The following STARD4 variants were observed in gnomAD, a reference collection of about 807,000 sequenced individuals.
STARD4 encodes stAR-related lipid transfer protein 4.
Under a neutral mutation model 24.9 loss-of-function variants are expected in STARD4, and 33 were observed. The observed-to-expected ratio is 1.32, with a 90% CI of 1.00 to 1.77. The LOEUF is 1.77. Among genes scored for constraint, STARD4 ranks in the 40% most tolerant of loss-of-function variants. The probability of loss-of-function intolerance (pLI) is 0.00; values close to 1 mark genes in which losing one functional copy is unlikely to be tolerated. For missense variants in STARD4, 238 were observed against 249.3 expected (o/e 0.95, Z 0.31); for synonymous variants, 88 against 77.4 (o/e 1.14, Z -0.72).
intron 3 of STARD4, among the ~76,000 whole-genome samples, chr5:111,505,973 G>C (rs1465112289): frequency 6.6e-6 from 1 of 151,878 alleles, no homozygotes; most frequent in African/African-American, 2.4e-5. Context: ...AACCAAGGCG[G>C]GATGTCAGGA....
chr5:111,503,570 A>T (rs1175050344), intron 3 of STARD4, among the ~76,000 whole-genome samples: 1 of 152,186 alleles, frequency 6.6e-6, no homozygotes, highest in Non-Finnish European at 1.5e-5. Flanking sequence ...CGGAAGCTGC[A>T]GTGAGCTGAG....
intron 5 of STARD4, 32 bp downstream of exon 5, chr5:111,500,970 T>C (rs1561534859): frequency 6.2e-7 from 1 of 1,613,358 alleles, no homozygotes; most frequent in Admixed American, 1.7e-5. Context: ...TAAACCATAC[T>C]GAAAAAAAGC....
At chr5:111,510,683 T>C (rs1362667590) in intron 1 of STARD4, among the ~76,000 whole-genome samples, 1 of 152,224 alleles carries the variant, frequency 6.6e-6, no homozygotes, top group Non-Finnish European at 1.5e-5. Flanking sequence ...AAGCTATCAC[T>C]AGTGGTGATA....
At chr5:111,508,151 C>A (rs745434528) in intron 1 of STARD4, among the ~76,000 whole-genome samples, 1 of 152,076 alleles carries the variant, frequency 6.6e-6, no homozygotes, top group Non-Finnish European at 1.5e-5. Context: ...AACCTCCTAT[C>A]CTTCATAAAG....
intron 5 of STARD4, 199 bp from the exon 6 acceptor site, chr5:111,500,305 G>T (rs1011407721): frequency 5.4e-5 from 71 of 1,318,032 alleles, no homozygotes; most frequent in Non-Finnish European, 6.2e-5. Flanking sequence ...GATAGGTAAT[G>T]GGGAAACTTT....
At chr5:111,506,503 A>G (rs1756875946) in intron 2 of STARD4, 124 bp from the exon 3 acceptor site, 2 of 432,808 alleles carry the variant, frequency 4.6e-6, no homozygotes, top group Non-Finnish European at 8.3e-6. Flanking sequence ...CATTTTCAGA[A>G]TACATAAAAG....
intron 1 of STARD4, among the ~76,000 whole-genome samples, chr5:111,511,581 G>A (rs192249260): frequency 6.7e-6 from 1 of 148,792 alleles, no homozygotes; most frequent in Non-Finnish European, 1.5e-5. Context: ...TACAGAAAGG[G>A]AAAATAGCAA....
At position 111,499,754 on chromosome 5, in the gene STARD4, T is replaced by C. The variant is rs1756286734; in HGVS notation, c.*132A>G. ...TTTACTTTAGGAATAAAACCAAACA[T>C]TGTACTAGTGAACCAAAAACATTTC... On this transcript the variant is annotated 3_prime_UTR_variant, in exon 6 of 6. Transcript: ENST00000296632. The C allele has an allele frequency of 2.6e-6, 2 of 773,670 alleles. No individual in the cohort carries two copies. Among genetic ancestry groups the C allele is most frequent in the South Asian group, 1.8e-5 (1 of 54,650 alleles). 47.9% of individuals were successfully genotyped at this position (773,670 alleles called of 1,614,324 possible).
chr5:111,500,058 T>C lies in STARD4; in HGVS notation c.446A>G (p.Tyr149Cys). 1 of 1,614,040 alleles carries C rather than the reference T, an allele frequency of 6.2e-7. No homozygotes were observed. The highest frequency in any genetic ancestry group is 1.1e-5 in the South Asian group (1 of 91,070). ...ACAAAACCAACCACAGGGATGGTTATATCCTCGAACAAATTCTGGTCTCTT... is the reference window on the plus strand; with the variant it reads ...ACAAAACCAACCACAGGGATGGTTACATCCTCGAACAAATTCTGGTCTCTT... ...DEKRPEFVRG[Y>C]NHPCGWFCVP... The change falls in exon 6 of 6, where the codon TAT becomes TGT. Residue 149 changes from tyrosine (Y) to cysteine (C), a missense_variant. Coordinates refer to ENST00000296632, the MANE Select transcript of STARD4 (RefSeq NM_139164.3).
chr5:111,496,237 C>T lies in STARD4; in HGVS notation c.*3649G>A, dbSNP rs1056128778. The T allele has an allele frequency of 6.6e-6, 1 of 151,924 alleles. No individual in the cohort carries two copies. Among genetic ancestry groups the T allele is most frequent in the Non-Finnish European group, 1.5e-5 (1 of 67,968 alleles). 9.4% of individuals were successfully genotyped at this position (151,924 alleles called of 1,614,324 possible). On this transcript the variant is annotated 3_prime_UTR_variant, in exon 6 of 6. Transcript: ENST00000296632. ...GCAAGAGATGAATTTTAATATTTAA[C>T]TATACATGTAAAATCCGTAAAAACA...
intron 1 of STARD4, among the ~76,000 whole-genome samples, chr5:111,510,378 TC>T (rs1757168656): frequency 6.6e-6 from 1 of 152,194 alleles, no homozygotes; most frequent in Admixed American, 6.5e-5. Context: ...TCCTGCAATC[TC>T]CAACTGTGGA....
chr5:111,510,068 G>C (rs1757137133), intron 1 of STARD4, among the ~76,000 whole-genome samples: 1 of 152,228 alleles, frequency 6.6e-6, no homozygotes, highest in Admixed American at 6.5e-5. Flanking sequence ...AGGTAGGAAA[G>C]GAAGAGAAAG....
rs1296963160 is a variant in STARD4, at chr5:111,501,965, T to C, written c.279A>G (p.Glu93=). ...AGTAATGTTTCTAAATAGATACCTC[T>C]TCAAAGTTCTCCAGAATATCCAAAG... ...MTSLDILENF[E]ENCCVMRYTT... is the part of the protein sequence containing the mutation. Residue 93 remains glutamate, a synonymous_variant, in exon 4 of 6, where the codon GAA becomes GAG. Transcript: ENST00000296632. 1.9e-6 allele frequency: 3 copies of C among 1,614,040 alleles called. No homozygotes were observed. The highest frequency in any genetic ancestry group is 8.5e-7 in the Non-Finnish European group (1 of 1,179,976).
chr5:111,511,457 G>T (rs945032854), intron 1 of STARD4, among the ~76,000 whole-genome samples: 3 of 152,198 alleles, frequency 2.0e-5, no homozygotes, highest in African/African-American at 7.2e-5. Context: ...TTATGGTAAA[G>T]GAATTTTAGT....
rs1458215206 is a variant in STARD4, at chr5:111,507,532, A to G, written c.-9-90T>C. 2.3e-6 allele frequency: 2 copies of G among 882,536 alleles called. No individual in the cohort carries two copies. The highest frequency in any genetic ancestry group is 2.6e-5 in the East Asian group (1 of 38,590). The allele number at this position is 882,536 out of a possible 1,614,324, so 54.7% of individuals were successfully genotyped here. A position where few individuals can be genotyped will look rare whatever the true frequency, so the allele number is the denominator to read the frequency against. On this transcript the variant is annotated intron_variant, in intron 1 of 5. Coordinates refer to ENST00000296632, the MANE Select transcript of STARD4 (RefSeq NM_139164.3). The surrounding 1 kb of genome is among the most constrained non-coding windows in gnomAD (Gnocchi z 4.4). ...TCGAATCTGGTTTCACAATATAATA[A>G]CCTACCAGAGCTATAAAAGATAGCT... is the stretch of plus-strand genomic sequence containing the variant.
Position 111,501,016 on chromosome 5 carries a change from C to T in STARD4, c.383G>A (p.Gly128Glu). The T allele has an allele frequency of 6.2e-7, 1 of 1,613,620 alleles. No individual in the cohort carries two copies. Among genetic ancestry groups the T allele is most frequent in the Non-Finnish European group, 8.5e-7 (1 of 1,179,852 alleles). ...DFSYTVGYKEGLLSCGISLDW... is the reference protein window; with the variant it reads ...DFSYTVGYKEELLSCGISLDW... The stretch of plus-strand genomic sequence containing the variant: ...GAGATTATTACCACAAGATAAAAGC[C>T]CTTCTTTATAGCCCACAGTATAGGA... Residue 128 changes from glycine (G) to glutamate (E), a missense_variant, in exon 5 of 6, where the codon GGG becomes GAG. Coordinates refer to ENST00000296632, the MANE Select transcript of STARD4 (RefSeq NM_139164.3).
At chr5:111,500,450 CATATTATAGTTTGGTACTG>C in intron 5 of STARD4, 1 of 1,059,978 alleles carries the variant, frequency 9.4e-7, no homozygotes. Flanking sequence ...CAGCGACTAC[CATATTATAGTTTGGTACTG>C]GCTAGTTAAG....
chr5:111,509,060 GTC>G (rs1048537705), intron 1 of STARD4, among the ~76,000 whole-genome samples: 2 of 151,996 alleles, frequency 1.3e-5, no homozygotes, highest in African/African-American at 4.8e-5. Flanking sequence ...CATTCAAAAA[GTC>G]TCTCAGTCAA....
intron 2 of STARD4, among the ~76,000 whole-genome samples, chr5:111,506,859 A>G (rs1014754339): frequency 1.3e-5 from 2 of 152,196 alleles, no homozygotes; most frequent in South Asian, 2.1e-4. Flanking sequence ...TAGCTAGAGC[A>G]CTTAACTAGA....
Sources: gnomAD v4.1 joint callset for allele counts (sites outside exome capture counted in the v4.1 genomes callset) on GRCh38, gnomAD v4.1.1 for gene constraint, Gnocchi (gnomAD v3.1) non-coding constraint, MANE v1.5 for transcripts, NCBI Gene and HGNC (gene_info 2026-07-23, HGNC 2026-07-21) for gene names.